ZBTB40: variants seen among roughly 807,000 people sequenced by gnomAD.
ZBTB40 encodes the protein zinc finger and BTB domain containing 40, also known as zinc finger and BTB domain-containing protein 40.
In ZBTB40, 60 loss-of-function variants were observed where a neutral mutation model predicts 117.5. That is an observed-to-expected ratio of 0.51 (90% CI 0.41 to 0.63). The LOEUF (loss-of-function observed/expected upper bound fraction) is 0.63. ZBTB40 is among the 30% of genes least tolerant of loss of function. ZBTB40 has a pLI of 0.00. For missense variants in ZBTB40, 1,287 were observed against 1,498.5 expected, an observed-to-expected ratio of 0.86 and a Z score of 2.33; for synonymous variants, 525 against 577.1, an observed-to-expected ratio of 0.91 and a Z score of 1.29.
At position 22,488,327 on chromosome 1, in the gene ZBTB40, A is replaced by G. The variant is rs1332112390; in HGVS notation, c.-69-1553A>G. 5.4e-5 allele frequency among the ~76,000 whole-genome samples: 8 copies of G among 147,004 alleles called. No homozygotes were observed. In the East Asian group the frequency reaches 1.6e-3, roughly 30 times the overall value. On this transcript the variant is annotated intron_variant, in intron 1 of 17. Coordinates refer to ENST00000375647, the MANE Select transcript of ZBTB40 (RefSeq NM_014870.4). ...GATAGATAATAACAAATAAAAATAT[A>G]GTATGTCAGTAGGCGATAAGTGCTA... is the stretch of plus-strand genomic sequence containing the variant.
intron 13 of ZBTB40, 72 bp from the exon 14 acceptor site, chr1:22,519,989 T>A (rs1639476200): frequency 6.6e-6 from 9 of 1,365,170 alleles, no homozygotes; most frequent in Non-Finnish European, 8.4e-6. Flanking sequence ...AACCAGTGTT[T>A]CACTGATGGC....
intron 3 of ZBTB40, among the ~76,000 whole-genome samples, chr1:22,499,489 A>G (rs1046992115): frequency 2.0e-5 from 3 of 152,196 alleles, no homozygotes; most frequent in African/African-American, 7.2e-5. Context: ...TTTTAAAGAG[A>G]TTTCAAGTCA....
upstream of ZBTB40, among the ~76,000 whole-genome samples, chr1:22,447,522 C>G (rs1388544806): frequency 2.6e-5 from 4 of 152,190 alleles, no homozygotes; most frequent in Non-Finnish European, 5.9e-5. Context: ...GAGAAACAGG[C>G]TTGGCTGGGA....
chr1:22,511,252 A>T lies in ZBTB40; in HGVS notation c.1907A>T (p.Lys636Ile). 2 of 1,614,066 alleles carry T rather than the reference A, an allele frequency of 1.2e-6. No individual in the cohort carries two copies. Among genetic ancestry groups the T allele is most frequent in the Non-Finnish European group, 1.7e-6 (2 of 1,180,024 alleles). Residue 636 changes from lysine (K) to isoleucine (I), a missense_variant, in exon 10 of 18, where the codon AAA (lysine) becomes ATA (isoleucine). Lys to Ile is a moderately radical substitution (Grantham distance 102, BLOSUM62 -3). This residue lies in a region of ZBTB40 where 870 missense variants were observed against 934.4 expected (regional missense o/e 0.93). Transcript: ENST00000375647. ...GCAGTGCTGAGCAGAGCCATGGAAA[A>T]ATCAGTCCCGGCCATTGAAATATGC... ...LRAVLSRAME[K>I]SVPAIEICHL...
intron 1 of ZBTB40, among the ~76,000 whole-genome samples, 158 bp from the exon 2 acceptor site, chr1:22,489,722 A>G (rs1638569351): frequency 6.6e-6 from 1 of 152,230 alleles, no homozygotes; most frequent in African/African-American, 2.4e-5. Context: ...GATAATGATC[A>G]TTACTGATTT....
In ZBTB40 at chr1:22,508,851, G is replaced by A; in HGVS notation, c.1699+120G>A. ...CTACATCCCTACTATTAGAAGTAAG[G>A]ACTGGCAGTTTTGTTCAAGGACACA... On this transcript the variant is annotated intron_variant, in intron 8 of 17. Transcript: ENST00000375647. 3 of 1,169,344 alleles carry A rather than the reference G, an allele frequency of 2.6e-6. No individual in the cohort carries two copies. The South Asian group carries it at 4.3e-5, about 17-fold the overall frequency. The allele number at this position is 1,169,344 out of a possible 1,614,324, so 72.4% of individuals were successfully genotyped here.
At position 22,504,635 on chromosome 1, in the gene ZBTB40, C is replaced by G. The variant is rs115731750; in HGVS notation, c.1168-1414C>G. ...AATAACATAGTCATTTCTTAAAGAT[C>G]ACATGTGTCCTAGGAGTTAGGCAAG... On this transcript the variant is annotated intron_variant, in intron 5 of 17. Transcript: ENST00000375647. 4.1e-3 allele frequency among the ~76,000 whole-genome samples: 630 copies of G among 152,304 alleles called. 6 individuals carry two copies. Among genetic ancestry groups the G allele is most frequent in the African/African-American group, 0.015 (606 of 41,564 alleles).
chr1:22,496,664 C>T (rs1638782900), intron 3 of ZBTB40, among the ~76,000 whole-genome samples: 1 of 152,178 alleles, frequency 6.6e-6, no homozygotes, highest in African/African-American at 2.4e-5. Flanking sequence ...TGACTGGCTG[C>T]AGGTATGGCA....
In ZBTB40 at chr1:22,502,442, G is replaced by T; in HGVS notation, c.1167+1G>T. ...ATTCCTGACTGGCACTGAAAAAAGG[G>T]TAACTGTGTCAAGTGTCTCCTCCCT... is the stretch of plus-strand genomic sequence containing the variant. On this transcript the variant is annotated splice_donor_variant, in intron 5 of 17. Transcript: ENST00000375647. LOFTEE classifies it high-confidence loss of function. 1 of 1,613,994 alleles carries T rather than the reference G, an allele frequency of 6.2e-7. No homozygotes were observed. Among genetic ancestry groups the T allele is most frequent in the Non-Finnish European group, 8.5e-7 (1 of 1,179,930 alleles).
Position 22,511,958 on chromosome 1 carries a change from A to C in ZBTB40, c.2285A>C (p.Lys762Thr). Residue 762 changes from lysine (K) to threonine (T), a missense_variant, in exon 11 of 18, where the codon AAG (lysine) becomes ACG (threonine). By Grantham distance (78) the Lys-to-Thr change is moderately conservative. Coordinates refer to ENST00000375647, the MANE Select transcript of ZBTB40 (RefSeq NM_014870.4). ...CACATGAAGCGCTGCCGGGTGGCTA[A>C]GAGCAAACAGGTGCAGTGTAAGGAG... ...KVHMKRCRVA[K>T]SKQVQCKECS... 6.2e-7 allele frequency: 1 copy of C among 1,614,242 alleles called. No individual in the cohort carries two copies. Among genetic ancestry groups the C allele is most frequent in the Non-Finnish European group, 8.5e-7 (1 of 1,180,046 alleles).
chr1:22,429,966 C>T (rs1278695976), intron 1 of ZBTB40, among the ~76,000 whole-genome samples: 1 of 152,182 alleles, frequency 6.6e-6, no homozygotes, highest in Non-Finnish European at 1.5e-5. Context: ...CATTGCACTC[C>T]AGCCTGGGCA....
At chr1:22,511,492 T>C (rs1007907435) in intron 10 of ZBTB40, 145 bp downstream of exon 10, 4 of 1,314,584 alleles carry the variant, frequency 3.0e-6, no homozygotes, top group African/African-American at 3.0e-5. Context: ...AAAAAAGTCA[T>C]GAGACATAGG....
chr1:22,529,011 G>A lies in ZBTB40; in HGVS notation c.*2615G>A, dbSNP rs942663095. 14 of 152,340 alleles carry A rather than the reference G, an allele frequency of 9.2e-5. No individual in the cohort carries two copies. The highest frequency in any genetic ancestry group is 3.4e-4 in the African/African-American group (14 of 41,432). The allele number at this position is 152,340 out of a possible 1,614,324, so 9.4% of individuals were successfully genotyped here. Reference sequence around the variant, plus strand: ...AGTGCTGGTTCTCATCAAGAAAGAGGGGAAGGCCCTTCCCGAGTTTACTGT... The same window carrying A: ...AGTGCTGGTTCTCATCAAGAAAGAGAGGAAGGCCCTTCCCGAGTTTACTGT... On this transcript the variant is annotated 3_prime_UTR_variant, in exon 18 of 18. Transcript: ENST00000375647.
At chr1:22,452,538 G>GA (rs1640905332) in intron 1 of ZBTB40, 2 of 152,206 alleles carry the variant, frequency 1.3e-5, no homozygotes, top group Admixed American at 1.3e-4. Flanking sequence ...GTTCATTGTT[G>GA]ATGTATTGTC....
intron 3 of ZBTB40, among the ~76,000 whole-genome samples, chr1:22,492,435 A>G (rs928037428): frequency 6.6e-6 from 1 of 152,144 alleles, no homozygotes; most frequent in African/African-American, 2.4e-5. Flanking sequence ...CGACTCCACA[A>G]CCAATTTAGA....
At chr1:22,481,192 A>G (rs1019893701) in intron 1 of ZBTB40, among the ~76,000 whole-genome samples, 6 of 151,862 alleles carry the variant, frequency 4.0e-5, no homozygotes, top group African/African-American at 1.2e-4. Flanking sequence ...TGTTTTATCC[A>G]GCATTTCTGT....
rs1639479305 is a variant in ZBTB40 at position 22,520,066 on chromosome 1, G to A, written c.2839G>A (p.Glu947Lys). ...TGGATGTCCCGTGAAACTAGACATA[G>A]AAGATCCTTATGACTGCAAGAAGTG... Reference protein sequence around the residue: ...SIHLHTFHNIEDPYDCKKCRM... With the variant: ...SIHLHTFHNIKDPYDCKKCRM... Residue 947 changes from glutamate to lysine, a missense_variant, in exon 14 of 18, where the codon GAA (glutamate) becomes AAA (lysine). Glu to Lys is a moderately conservative substitution (Grantham distance 56). Coordinates refer to ENST00000375647, the MANE Select transcript of ZBTB40 (RefSeq NM_014870.4). 1.2e-6 allele frequency: 2 copies of A among 1,614,042 alleles called. No individual in the cohort carries two copies. The highest frequency in any genetic ancestry group is 1.7e-6 in the Non-Finnish European group (2 of 1,180,004).
rs867451802 is a variant in ZBTB40 at position 22,494,213 on chromosome 1, C to T, written c.831+2680C>T. 9.2e-5 allele frequency among the ~76,000 whole-genome samples: 14 copies of T among 152,260 alleles called. No homozygotes were observed. The South Asian group carries it at 1.0e-3, about 11-fold the overall frequency. On this transcript the variant is annotated intron_variant, in intron 3 of 17. Coordinates refer to ENST00000375647, the MANE Select transcript of ZBTB40 (RefSeq NM_014870.4). Reference sequence around the variant, plus strand: ...GGTGCCATGGCCATTTACTCTGACACGAGATGGTTTGCTGTTACTTTAAGC... The same window carrying T: ...GGTGCCATGGCCATTTACTCTGACATGAGATGGTTTGCTGTTACTTTAAGC...
In ZBTB40 at chr1:22,464,909, C is replaced by T. The variant is rs556221398; in HGVS notation, c.-70+12905C>T. Among the ~76,000 whole-genome samples, 13 of 152,242 alleles carry T rather than the reference C, an allele frequency of 8.5e-5. No individual in the cohort carries two copies. In the South Asian group the frequency reaches 2.1e-3, roughly 24 times the overall value. ...TGTAATTTACATACCATAGAATTTACCATTTTAAAGTGTACAATTCAAACA... is the reference window on the plus strand; with the variant it reads ...TGTAATTTACATACCATAGAATTTATCATTTTAAAGTGTACAATTCAAACA... On this transcript the variant is annotated intron_variant, in intron 1 of 17. Coordinates refer to ENST00000375647, the MANE Select transcript of ZBTB40 (RefSeq NM_014870.4).
Sources: allele counts gnomAD v4.1 joint callset (sites outside exome capture counted in the v4.1 genomes callset), GRCh38; gene constraint gnomAD v4.1.1; regional missense constraint gnomAD v4.1.1; transcripts MANE v1.5; gene names NCBI Gene and HGNC (gene_info 2026-07-23, HGNC 2026-07-21).